Variants in UBR3 observed in about 807,000 individuals in gnomAD.
UBR3 encodes E3 ubiquitin-protein ligase UBR3.
In UBR3, 85 loss-of-function variants were observed where a neutral mutation model predicts 243.2. The ratio of observed to expected loss-of-function variants is 0.35; its 90% CI spans 0.29 to 0.42. The LOEUF (loss-of-function observed/expected upper bound fraction) is 0.42. UBR3 is among the 10% of genes least tolerant of loss of function. UBR3 has a pLI of 1.00. For missense variants in UBR3, 1,686 were observed against 2,300.8 expected (o/e 0.73, Z 5.47); for synonymous variants, 748 against 799.8 (o/e 0.94, Z 1.09).
chr2:169,938,606 T>G (rs2086440868), intron 19 of UBR3, among the ~76,000 whole-genome samples: 1 of 152,212 alleles, frequency 6.6e-6, no homozygotes, highest in South Asian at 2.1e-4. Context: ...TTTCACTTAC[T>G]TGAAAGTGTT....
chr2:169,891,069 A>G lies in UBR3; in HGVS notation c.1039-96A>G, dbSNP rs1032254404. ...GTTGATTAGTAGTATGTAAGCATGCATATATTATGTGTTTAATGTAATTTG... is the reference window on the plus strand; with the variant it reads ...GTTGATTAGTAGTATGTAAGCATGCGTATATTATGTGTTTAATGTAATTTG... On this transcript the variant is annotated intron_variant, in intron 5 of 38. Transcript: ENST00000272793. 5 of 760,306 alleles carry G rather than the reference A, an allele frequency of 6.6e-6. No homozygotes were observed. The African/African-American group carries it at 8.7e-5, about 13-fold the overall frequency. The allele number at this position is 760,306 out of a possible 1,614,324, so 47.1% of individuals were successfully genotyped here.
chr2:169,980,746 T>G (rs2088687226), intron 24 of UBR3, among the ~76,000 whole-genome samples: 1 of 150,622 alleles, frequency 6.6e-6, no homozygotes, highest in Non-Finnish European at 1.5e-5. Context: ...TAGGTATATC[T>G]CCTAATGCTA....
intron 18 of UBR3, among the ~76,000 whole-genome samples, chr2:169,929,339 C>G (rs1315955172): frequency 6.6e-6 from 1 of 152,122 alleles, no homozygotes; most frequent in Admixed American, 6.6e-5. Context: ...CTTTGGGAGG[C>G]CGAGGTGGCT....
At chr2:169,864,312 C>T (rs1416457225) in intron 1 of UBR3, among the ~76,000 whole-genome samples, 1 of 152,116 alleles carries the variant, frequency 6.6e-6, no homozygotes, top group Non-Finnish European at 1.5e-5. Context: ...ATTCTTGTTT[C>T]TCTCTTTCCT....
At chr2:169,838,563 TC>T (rs1420598263) in intron 1 of UBR3, among the ~76,000 whole-genome samples, 12 of 152,042 alleles carry the variant, frequency 7.9e-5, no homozygotes, top group Non-Finnish European at 7.4e-5. Flanking sequence ...CTTAATCACA[TC>T]CCCAAAGGCT....
At chr2:169,908,552 A>G (rs1472280691) in intron 10 of UBR3, among the ~76,000 whole-genome samples, 1 of 152,194 alleles carries the variant, frequency 6.6e-6, no homozygotes, top group African/African-American at 2.4e-5. Flanking sequence ...CCAAATAGAT[A>G]TGGTTCTTGC....
rs1558999105 is a variant in UBR3 at position 169,836,065 on chromosome 2, A to ATTTTTTTTTTTT, written c.545+8014_545+8015insTTTTTTTTTTTT. On this transcript the variant is annotated intron_variant, in intron 1 of 38. Transcript: ENST00000272793. ...TCTCTATATATATATATATATATAT[A>ATTTTTTTTTTTT]TATTTTTTTTTTTTTTTTTTTTTTT... 1.1e-4 allele frequency among the ~76,000 whole-genome samples: 3 copies of ATTTTTTTTTTTT among 27,936 alleles called. 1 individual carries two copies. Among genetic ancestry groups the ATTTTTTTTTTTT allele is most frequent in the Non-Finnish European group, 2.0e-4 (3 of 15,310 alleles). 18.3% of individuals were successfully genotyped at this position (27,936 alleles called of 152,430 possible). A position where few individuals can be genotyped will look rare whatever the true frequency, so the allele number is the denominator to read the frequency against.
intron 1 of UBR3, among the ~76,000 whole-genome samples, chr2:169,862,293 G>A (rs749258160): frequency 3.3e-5 from 5 of 150,060 alleles, no homozygotes; most frequent in Admixed American, 6.6e-5. Flanking sequence ...TTTTCTTTTC[G>A]TTCTTAGAAT....
chr2:169,971,795 G>A (rs986020112), intron 24 of UBR3, among the ~76,000 whole-genome samples: 54 of 152,094 alleles, frequency 3.6e-4, no homozygotes, highest in Non-Finnish European at 6.5e-4. Context: ...AGCACTAAAT[G>A]CCCTCAGGAG....
intron 23 of UBR3, among the ~76,000 whole-genome samples, chr2:169,957,255 A>T (rs1281997372): frequency 2.1e-5 from 3 of 142,134 alleles, no homozygotes. Flanking sequence ...ATGTTATGGT[A>T]ACACTGTATT....
chr2:169,905,707 T>C (rs2084986509), intron 9 of UBR3, among the ~76,000 whole-genome samples: 1 of 152,168 alleles, frequency 6.6e-6, no homozygotes, highest in Non-Finnish European at 1.5e-5. Context: ...TCTAGAAATG[T>C]GAAATCTATT....
At position 169,986,684 on chromosome 2, in the gene UBR3, C is replaced by G; in HGVS notation, c.3674C>G (p.Ala1225Gly). The G allele has an allele frequency of 6.2e-7, 1 of 1,613,642 alleles. No individual in the cohort carries two copies. The highest frequency in any genetic ancestry group is 8.5e-7 in the Non-Finnish European group (1 of 1,179,742). ...GATATTCCTATGGAGATCACCACGG[C>G]AGAACCACAGGTTTCCGAGGCAGTA... Reference protein sequence around the residue: ...ENDIPMEITTAEPQVSEAVYD... With the variant: ...ENDIPMEITTGEPQVSEAVYD... The change falls in exon 25 of 39, where the codon GCA becomes GGA. Residue 1225 changes from alanine (A) to glycine (G), a missense_variant. Physicochemically the swap from Ala to Gly is moderately conservative, Grantham distance 60 (BLOSUM62 0). Transcript: ENST00000272793.
At chr2:169,967,960 G>T (rs567284027) in intron 24 of UBR3, among the ~76,000 whole-genome samples, 1 of 151,258 alleles carries the variant, frequency 6.6e-6, no homozygotes, top group Non-Finnish European at 1.5e-5. Flanking sequence ...ACCTTTCTTA[G>T]GTAACACATA....
chr2:169,982,587 G>A (rs955480341), intron 24 of UBR3, among the ~76,000 whole-genome samples: 42 of 152,038 alleles, frequency 2.8e-4, no homozygotes, highest in Admixed American at 1.5e-3. Flanking sequence ...AAAATAAGTA[G>A]ATATTAAAGA....
intron 18 of UBR3, among the ~76,000 whole-genome samples, chr2:169,930,414 C>T (rs1408780024): frequency 1.3e-5 from 2 of 151,498 alleles, no homozygotes; most frequent in Non-Finnish European, 2.9e-5. Flanking sequence ...GGAGACAGAG[C>T]CTCACTTTGT....
chr2:169,888,312 T>A (rs1333782828), intron 5 of UBR3, among the ~76,000 whole-genome samples: 1 of 151,270 alleles, frequency 6.6e-6, no homozygotes, highest in Non-Finnish European at 1.5e-5. Context: ...CTAATTTTTG[T>A]ATTTTTAGTG....
chr2:169,994,274 C>A, intron 25 of UBR3, 49 bp from the exon 26 acceptor site: 1 of 1,606,006 alleles, frequency 6.2e-7, no homozygotes, highest in Non-Finnish European at 8.5e-7. Flanking sequence ...AGTTACAGGT[C>A]TATGGCACTG....
Position 169,846,203 on chromosome 2 carries a change from TG to T in UBR3, c.545+18152del. Among the ~76,000 whole-genome samples, 2 of 152,238 alleles carry T rather than the reference TG, an allele frequency of 1.3e-5. 1 individual carries two copies. Among genetic ancestry groups the T allele is most frequent in the African/African-American group, 4.8e-5 (2 of 41,458 alleles). Reference sequence around the variant, plus strand: ...GGATTTGTCTCTATTTCCTTGAAGTTGTCAATTTTTGCTGCTTGTATTTTGG... The same window carrying T: ...GGATTTGTCTCTATTTCCTTGAAGTTTCAATTTTTGCTGCTTGTATTTTGG... On this transcript the variant is annotated intron_variant, in intron 1 of 38. Transcript: ENST00000272793.
intron 32 of UBR3, among the ~76,000 whole-genome samples, chr2:170,049,678 C>G (rs2091171882): frequency 1.3e-5 from 2 of 152,176 alleles, no homozygotes; most frequent in South Asian, 4.1e-4. Context: ...GTTGCCCTTT[C>G]TAGAAGCCTT....
Sources: gnomAD v4.1 joint callset for allele counts (sites outside exome capture counted in the v4.1 genomes callset) on GRCh38, gnomAD v4.1.1 for gene constraint, MANE v1.5 for transcripts, NCBI Gene and HGNC (gene_info 2026-07-23, HGNC 2026-07-21) for gene names.